Variants in PLD5 observed in about 807,000 individuals in gnomAD.
The protein encoded by PLD5 is inactive phospholipase D5.
In PLD5, 36 loss-of-function variants were observed where a neutral mutation model predicts 61.1. That is an observed-to-expected ratio of 0.59 (90% CI 0.45 to 0.78). The LOEUF (loss-of-function observed/expected upper bound fraction) is 0.78, where lower values mean the gene tolerates loss of function less well. PLD5 is among the 30% of genes least tolerant of loss of function. The pLI is 0.00. For synonymous variants in PLD5, 243 were observed against 242.8 expected (o/e 1.00, Z -0.01); for missense variants, 515 against 644.4 (o/e 0.80, Z 2.17).
intron 1 of PLD5, among the ~76,000 whole-genome samples, chr1:242,358,539 T>C (rs1326782414): frequency 1.3e-5 from 2 of 151,740 alleles, no homozygotes; most frequent in African/African-American, 4.8e-5. Flanking sequence ...CTGGCTATGC[T>C]CTGCTATCCA....
chr1:242,297,305 C>T (rs1438055051), intron 2 of PLD5, among the ~76,000 whole-genome samples: 1 of 133,662 alleles, frequency 7.5e-6, no homozygotes, highest in East Asian at 2.3e-4. Context: ...GAGCGTGACA[C>T]TGCACTCCAG....
intron 1 of PLD5, among the ~76,000 whole-genome samples, chr1:242,374,241 A>G (rs1266215518): frequency 1.3e-5 from 2 of 152,204 alleles, no homozygotes; most frequent in Admixed American, 6.5e-5. Context: ...CTGAACTCCT[A>G]AAACACAGAA....
At chr1:242,141,419 A>G (rs1283064422) in intron 5 of PLD5, among the ~76,000 whole-genome samples, 2 of 151,862 alleles carry the variant, frequency 1.3e-5, no homozygotes, top group African/African-American at 4.8e-5. Context: ...CTACTTTTCC[A>G]CTGAAACTCC....
intron 6 of PLD5, among the ~76,000 whole-genome samples, chr1:242,120,916 A>G (rs909676383): frequency 4.6e-5 from 7 of 152,198 alleles, no homozygotes; most frequent in African/African-American, 1.7e-4. Flanking sequence ...AAAACTGGAA[A>G]TAATCCATAT....
At chr1:242,346,677 C>G (rs563598584) in intron 2 of PLD5, among the ~76,000 whole-genome samples, 1 of 152,180 alleles carries the variant, frequency 6.6e-6, no homozygotes, top group African/African-American at 2.4e-5. Context: ...GGTACAAGTG[C>G]AGGATGTGCA....
At chr1:242,325,605 G>T (rs116226973) in intron 2 of PLD5, among the ~76,000 whole-genome samples, 1 of 151,260 alleles carries the variant, frequency 6.6e-6, no homozygotes, top group African/African-American at 2.4e-5. Flanking sequence ...TCAAGTTGTT[G>T]TTTTTTTTTA....
intron 1 of PLD5, among the ~76,000 whole-genome samples, chr1:242,438,848 C>G (rs1323852133): frequency 2.0e-5 from 3 of 152,110 alleles, no homozygotes; most frequent in Non-Finnish European, 4.4e-5. Context: ...TAATTAGTTT[C>G]CTACTTTCAG....
intron 1 of PLD5, among the ~76,000 whole-genome samples, chr1:242,395,072 A>AAT (rs1255234192): frequency 8.7e-6 from 1 of 115,578 alleles, no homozygotes; most frequent in Admixed American, 9.8e-5. Context: ...TATATATATG[A>AAT]ATATATATGT....
chr1:242,306,333 T>G (rs1311347761), intron 2 of PLD5, among the ~76,000 whole-genome samples: 1 of 151,098 alleles, frequency 6.6e-6, no homozygotes, highest in East Asian at 2.0e-4. Context: ...CACACACACA[T>G]AGTACTTGAT....
At chr1:242,173,940 A>C (rs1003860163) in intron 5 of PLD5, among the ~76,000 whole-genome samples, 3 of 152,250 alleles carry the variant, frequency 2.0e-5, no homozygotes, top group African/African-American at 7.2e-5. Context: ...AAAACCATAA[A>C]AACCCTAGAA....
intron 5 of PLD5, among the ~76,000 whole-genome samples, chr1:242,135,868 C>T (rs1196301940): frequency 1.3e-5 from 2 of 152,146 alleles, no homozygotes; most frequent in Non-Finnish European, 1.5e-5. Context: ...CTTCCTCCTC[C>T]TTTCTACTTC....
intron 9 of PLD5, among the ~76,000 whole-genome samples, chr1:242,099,998 C>T (rs1266628889): frequency 6.6e-6 from 1 of 152,202 alleles, no homozygotes; most frequent in Non-Finnish European, 1.5e-5. Flanking sequence ...TTAATAATTA[C>T]ACCAGTGTAG....
chr1:242,460,103 AT>A (rs201398518), intron 1 of PLD5, among the ~76,000 whole-genome samples: 6,369 of 152,276 alleles, frequency 0.042, 200 homozygotes, highest in Middle Eastern at 0.061. Context: ...TCTGTTAGAA[AT>A]TACTGACACA....
rs191378401 is a variant in PLD5, at chr1:242,458,688, T to C, written c.189+65400A>G. ...GTTAAACCACCATATATGTTATTAG[T>C]AGGAAAGATGCATATTAGTTCAAAA... On this transcript the variant is annotated intron_variant, in intron 1 of 9. Transcript: ENST00000536534. 1.5e-3 allele frequency among the ~76,000 whole-genome samples: 225 copies of C among 152,366 alleles called. 3 individuals carry two copies. The highest frequency in any genetic ancestry group is 5.6e-4 in the Non-Finnish European group (38 of 68,036).
At chr1:242,526,773 T>C (rs1343730817), upstream of PLD5, among the ~76,000 whole-genome samples, 2 of 152,212 alleles carry the variant, frequency 1.3e-5, no homozygotes, top group African/African-American at 4.8e-5. Context: ...CTATTAAAGT[T>C]TAGCCTCCAT....
intron 1 of PLD5, among the ~76,000 whole-genome samples, chr1:242,361,431 A>G (rs1055291483): frequency 6.6e-6 from 1 of 152,172 alleles, no homozygotes; most frequent in Non-Finnish European, 1.5e-5. Flanking sequence ...ACCAAGAGAC[A>G]TTAATTTTCA....
chr1:242,489,375 T>TA (rs11353482), intron 1 of PLD5, among the ~76,000 whole-genome samples: 2,654 of 145,202 alleles, frequency 0.018, 25 homozygotes, highest in Non-Finnish European at 0.025. Flanking sequence ...TACATTTGAT[T>TA]AAAAAAAAAA....
chr1:242,491,999 A>G (rs6695046), intron 1 of PLD5, among the ~76,000 whole-genome samples: 54,446 of 152,110 alleles, frequency 0.36, 10,016 homozygotes, highest in Admixed American at 0.44. Flanking sequence ...CTCTTTGGCT[A>G]GTCACAATCT....
chr1:242,236,093 C>T (rs979543473), intron 4 of PLD5, among the ~76,000 whole-genome samples: 40 of 152,090 alleles, frequency 2.6e-4, no homozygotes, highest in African/African-American at 8.7e-4. Context: ...ACAGAAGAGG[C>T]CCCAGAGAGA....
Sources: allele counts gnomAD v4.1 joint callset (sites outside exome capture counted in the v4.1 genomes callset), GRCh38; gene constraint gnomAD v4.1.1; transcripts MANE v1.5; gene names NCBI Gene and HGNC (gene_info 2026-07-23, HGNC 2026-07-21).